Variants in CYTH1 observed in about 807,000 individuals in gnomAD.
CYTH1 encodes the protein cytohesin-1.
In CYTH1, 18 loss-of-function variants were observed where a neutral mutation model predicts 61.8. The ratio of observed to expected loss-of-function variants is 0.29; its 90% CI spans 0.20 to 0.43. CYTH1 has a LOEUF of 0.43. Ranked by LOEUF, CYTH1 falls within the 20% of genes least tolerant of loss-of-function variation. The pLI, the probability that CYTH1 is intolerant of heterozygous loss-of-function variation, is 1.00. For missense variants in CYTH1, 336 were observed against 510.5 expected (o/e 0.66, Z 3.29); for synonymous variants, 174 against 184.3 (o/e 0.94, Z 0.45).
chr17:78,742,550 A>G (rs1481490549), intron 1 of CYTH1, among the ~76,000 whole-genome samples: 1 of 152,088 alleles, frequency 6.6e-6, no homozygotes, highest in Non-Finnish European at 1.5e-5. Flanking sequence ...CAAGAGTGAG[A>G]CCCTGTCTCA....
At chr17:78,768,953 C>T (rs558010708) in intron 1 of CYTH1, among the ~76,000 whole-genome samples, 2 of 152,244 alleles carry the variant, frequency 1.3e-5, no homozygotes, top group East Asian at 3.9e-4. Context: ...CAAGACCAGC[C>T]TGGCCAACAT....
rs2092994153 is a variant in CYTH1 at position 78,700,304 on chromosome 17, T to C, written c.550+27A>G. The C allele has an allele frequency of 1.9e-6, 3 of 1,569,318 alleles. No homozygotes were observed. The highest frequency in any genetic ancestry group is 1.4e-5 in the African/African-American group (1 of 73,184). ...ATAATCCAGTGTAAAACGCCCATCATAAACTAGGATGAATGATCGTATTTA... is the reference window on the plus strand; with the variant it reads ...ATAATCCAGTGTAAAACGCCCATCACAAACTAGGATGAATGATCGTATTTA... On this transcript the variant is annotated intron_variant, in intron 7 of 13. Coordinates refer to ENST00000446868, the MANE Select transcript of CYTH1 (RefSeq NM_004762.6). The surrounding 1 kb of genome is among the most constrained non-coding windows in gnomAD (Gnocchi z 5.1).
intron 1 of CYTH1, among the ~76,000 whole-genome samples, chr17:78,749,530 T>C (rs537985284): frequency 1.3e-5 from 2 of 151,796 alleles, no homozygotes; most frequent in South Asian, 2.1e-4. Flanking sequence ...ACTCAGGAGA[T>C]TGAGGTGGGA....
At chr17:78,748,894 T>C (rs1021381095) in intron 1 of CYTH1, among the ~76,000 whole-genome samples, 5 of 152,132 alleles carry the variant, frequency 3.3e-5, no homozygotes, top group Admixed American at 2.6e-4. Context: ...AGTTACAAAA[T>C]TGGTGTACTC....
chr17:78,728,374 C>T (rs1458853756), intron 1 of CYTH1, among the ~76,000 whole-genome samples: 1 of 151,942 alleles, frequency 6.6e-6, no homozygotes, highest in African/African-American at 2.4e-5. Flanking sequence ...GGTGAAACCC[C>T]ATCTCTACTA....
intron 1 of CYTH1, among the ~76,000 whole-genome samples, chr17:78,722,046 T>C (rs2093233700): frequency 6.6e-6 from 1 of 151,830 alleles, no homozygotes; most frequent in Non-Finnish European, 1.5e-5. Context: ...AAACTCCATC[T>C]CACAAAACAA....
chr17:78,766,087 G>GAAAAAAAA (rs59673666), intron 1 of CYTH1, among the ~76,000 whole-genome samples: 1 of 65,680 alleles, frequency 1.5e-5, no homozygotes, highest in Non-Finnish European at 2.6e-5. Flanking sequence ...CATCTCTACA[G>GAAAAAAAA]AAAAAAAAAA....
intron 1 of CYTH1, among the ~76,000 whole-genome samples, chr17:78,713,012 T>C (rs893791818): frequency 3.3e-5 from 5 of 152,130 alleles, no homozygotes; most frequent in African/African-American, 1.2e-4. Context: ...ATGTGGATTC[T>C]AACCCTGCAC....
chr17:78,685,473 A>T (rs368943107), intron 11 of CYTH1, among the ~76,000 whole-genome samples: 1 of 109,082 alleles, frequency 9.2e-6, no homozygotes, highest in Non-Finnish European at 2.4e-5. Flanking sequence ...TCTATATTTA[A>T]GTTTATTTAG....
intron 1 of CYTH1, among the ~76,000 whole-genome samples, chr17:78,764,012 C>T (rs567555086): frequency 6.6e-6 from 1 of 151,700 alleles, no homozygotes; most frequent in Non-Finnish European, 1.5e-5. Context: ...TCGGGAGGCT[C>T]AGGCAGGAGA....
intron 11 of CYTH1, among the ~76,000 whole-genome samples, chr17:78,683,484 G>A (rs1004318096): frequency 2.6e-5 from 4 of 152,266 alleles, no homozygotes; most frequent in East Asian, 1.9e-4. Context: ...ATAACCTCAC[G>A]CATCTCTTCT....
intron 3 of CYTH1, among the ~76,000 whole-genome samples, chr17:78,704,340 C>T (rs554788388): frequency 1.3e-5 from 2 of 152,130 alleles, no homozygotes; most frequent in East Asian, 3.8e-4. Flanking sequence ...TTCTGGTATG[C>T]ACCCAAATTT....
chr17:78,778,459 G>A (rs2093502410), intron 1 of CYTH1, among the ~76,000 whole-genome samples: 1 of 151,512 alleles, frequency 6.6e-6, no homozygotes. Context: ...CCAATATGGT[G>A]AAACCCCATT....
At chr17:78,733,876 G>C (rs1368023731) in intron 1 of CYTH1, among the ~76,000 whole-genome samples, 1 of 152,252 alleles carries the variant, frequency 6.6e-6, no homozygotes, top group Non-Finnish European at 1.5e-5. Context: ...AGGGGGCTTA[G>C]TGTCTGCCTG....
intron 1 of CYTH1, among the ~76,000 whole-genome samples, chr17:78,713,102 T>C (rs889077503): frequency 1.3e-5 from 2 of 151,592 alleles, no homozygotes; most frequent in African/African-American, 4.9e-5. Flanking sequence ...TATATATATA[T>C]TAAAATGGCT....
chr17:78,731,899 G>C (rs2093297080), intron 1 of CYTH1, among the ~76,000 whole-genome samples: 1 of 152,170 alleles, frequency 6.6e-6, no homozygotes, highest in African/African-American at 2.4e-5. Flanking sequence ...AAAAATGAGA[G>C]ATGGATACTA....
chr17:78,727,634 T>C (rs1304717949), intron 1 of CYTH1: 1 of 470,650 alleles, frequency 2.1e-6, no homozygotes, highest in African/African-American at 2.0e-5. Flanking sequence ...AGGTCCAGGA[T>C]ACTGGCCCCC....
At chr17:78,760,957 T>C (rs919878362) in intron 1 of CYTH1, among the ~76,000 whole-genome samples, 2 of 152,090 alleles carry the variant, frequency 1.3e-5, no homozygotes, top group African/African-American at 4.8e-5. Context: ...TGCCTCAGCC[T>C]CCTGAGTAGC....
chr17:78,771,746 A>G (rs1026796240), intron 1 of CYTH1, among the ~76,000 whole-genome samples: 1 of 151,392 alleles, frequency 6.6e-6, no homozygotes, highest in Non-Finnish European at 1.5e-5. Context: ...AAAAAAAAAA[A>G]GAAAGAAAAG....
Sources: allele counts gnomAD v4.1 joint callset (sites outside exome capture counted in the v4.1 genomes callset), GRCh38; gene constraint gnomAD v4.1.1; non-coding constraint Gnocchi (gnomAD v3.1); transcripts MANE v1.5; gene names NCBI Gene and HGNC (gene_info 2026-07-23, HGNC 2026-07-21).